Variants in HYCC1 observed in about 807,000 individuals in gnomAD.
HYCC1 encodes hyccin.
At chr7:23,011,200 GTC>G in the HYCC1 span, among the ~76,000 whole-genome samples, 3 of 152,102 alleles carry the variant, frequency 2.0e-5, no homozygotes, top group Non-Finnish European at 4.4e-5. Context: ...ATTTATGAGA[GTC>G]TGTTCTCTGG....
chr7:23,002,162 A>AAT, the HYCC1 span, among the ~76,000 whole-genome samples: 2,747 of 35,468 alleles, frequency 0.077, 80 homozygotes, highest in East Asian at 0.13. Context: ...ATATATATAT[A>AAT]TATATATATA....
chr7:22,992,492 C>T, the HYCC1 span, among the ~76,000 whole-genome samples: 1 of 152,046 alleles, frequency 6.6e-6, no homozygotes. Context: ...TGCTAGATGA[C>T]ATTTATCCTC....
the HYCC1 span, among the ~76,000 whole-genome samples, chr7:22,988,272 A>G: frequency 6.6e-6 from 1 of 152,196 alleles, no homozygotes; most frequent in African/African-American, 2.4e-5. Context: ...AAATTGATTC[A>G]AAATTGGGTA....
the HYCC1 span, among the ~76,000 whole-genome samples, chr7:22,918,652 C>T: frequency 6.6e-5 from 10 of 152,184 alleles, no homozygotes; most frequent in Admixed American, 4.6e-4. Context: ...CCTGCCTTAA[C>T]TGATGACATT....
the HYCC1 span, chr7:22,961,366 T>C: frequency 9.1e-7 from 1 of 1,097,084 alleles, no homozygotes; most frequent in Non-Finnish European, 1.4e-6. Flanking sequence ...TAATTATTTA[T>C]AACTGAACAA....
the HYCC1 span, chr7:22,937,052 G>T: frequency 3.3e-5 from 5 of 152,124 alleles, no homozygotes; most frequent in Admixed American, 2.6e-4. Flanking sequence ...TAAACTAGAG[G>T]GGAAACTAGA....
At chr7:22,916,615 C>T in the HYCC1 span, among the ~76,000 whole-genome samples, 1 of 152,222 alleles carries the variant, frequency 6.6e-6, no homozygotes, top group African/African-American at 2.4e-5. Flanking sequence ...ACCTGACCCA[C>T]ATGATTGTAT....
At chr7:22,975,520 C>T in the HYCC1 span, among the ~76,000 whole-genome samples, 1,010 of 152,204 alleles carry the variant, frequency 6.6e-3, 8 homozygotes, top group Middle Eastern at 0.041. Flanking sequence ...TTACTTATTT[C>T]TTAGTTCCAA....
At chr7:22,930,822 GT>G in the HYCC1 span, among the ~76,000 whole-genome samples, 1 of 152,034 alleles carries the variant, frequency 6.6e-6, no homozygotes, top group African/African-American at 2.4e-5. Context: ...TGCAAGGTTG[GT>G]TTATCATTCA....
At chr7:22,900,558 G>T in the HYCC1 span, among the ~76,000 whole-genome samples, 1 of 152,182 alleles carries the variant, frequency 6.6e-6, no homozygotes, top group African/African-American at 2.4e-5. Context: ...TATTAAAAAG[G>T]CAAGATCTGC....
At chr7:22,953,116 T>A in the HYCC1 span, among the ~76,000 whole-genome samples, 11 of 151,984 alleles carry the variant, frequency 7.2e-5, no homozygotes, top group Admixed American at 5.9e-4. Flanking sequence ...CCTTTTGTCA[T>A]CTTTATTAAG....
chr7:22,935,674 C>T, the HYCC1 span: 1 of 152,124 alleles, frequency 6.6e-6, no homozygotes, highest in Non-Finnish European at 1.5e-5. Flanking sequence ...GAGACAGAGT[C>T]TTCCTCTGTT....
chr7:22,896,132 T>C, the HYCC1 span, among the ~76,000 whole-genome samples: 1 of 152,306 alleles, frequency 6.6e-6, no homozygotes, highest in East Asian at 1.9e-4. Flanking sequence ...GCCAAAAAGA[T>C]AAGCCATTTT....
chr7:22,975,988 G>A, the HYCC1 span, among the ~76,000 whole-genome samples: 2 of 152,168 alleles, frequency 1.3e-5, no homozygotes, highest in African/African-American at 4.8e-5. Context: ...TCAAAGTGCT[G>A]AAATTACAGA....
the HYCC1 span, among the ~76,000 whole-genome samples, chr7:22,907,157 C>T: frequency 7.1e-6 from 1 of 141,306 alleles, no homozygotes; most frequent in South Asian, 2.4e-4. Flanking sequence ...GTGTACAAGT[C>T]AATCACCTGG....
At chr7:22,925,586 T>C in the HYCC1 span, among the ~76,000 whole-genome samples, 2 of 152,238 alleles carry the variant, frequency 1.3e-5, no homozygotes, top group Non-Finnish European at 2.9e-5. Flanking sequence ...GTATCAGTGA[T>C]GGAAGACAAA....
the HYCC1 span, chr7:22,946,018 CT>C: frequency 6.2e-7 from 1 of 1,613,698 alleles, no homozygotes; most frequent in Non-Finnish European, 8.5e-7. Context: ...GTCTGTGGTT[CT>C]TTCCTATACT....
chr7:22,910,246 T>C, the HYCC1 span, among the ~76,000 whole-genome samples: 2 of 152,240 alleles, frequency 1.3e-5, no homozygotes, highest in African/African-American at 4.8e-5. Context: ...AATGGTTTGA[T>C]GCCCTTCCCA....
the HYCC1 span, chr7:22,945,503 C>T: frequency 3.0e-5 from 29 of 972,590 alleles, no homozygotes; most frequent in East Asian, 9.6e-5. Flanking sequence ...GTCAGGAATA[C>T]GGATGAAAGA....
Sources: gnomAD v4.1 joint callset for allele counts (sites outside exome capture counted in the v4.1 genomes callset) on GRCh38, gnomAD v4.1.1 for gene constraint, MANE v1.5 for transcripts, NCBI Gene and HGNC (gene_info 2026-07-23, HGNC 2026-07-21) for gene names.